Variants in SARNP observed in about 807,000 individuals in gnomAD.
SARNP encodes the protein SAP domain-containing ribonucleoprotein.
In SARNP, 5 loss-of-function variants were observed where a neutral mutation model predicts 38.1. The ratio of observed to expected loss-of-function variants is 0.13; its 90% CI spans 0.07 to 0.28. SARNP has a LOEUF of 0.28. Ranked by LOEUF, SARNP falls within the 10% of genes least tolerant of loss-of-function variation. SARNP has a pLI of 1.00. For missense variants in SARNP, 180 were observed against 243.9 expected (o/e 0.74, Z 1.75); for synonymous variants, 84 against 80.6 (o/e 1.04, Z -0.23).
At position 55,794,396 on chromosome 12, in the gene SARNP, G is replaced by C. The variant is rs1879760272; in HGVS notation, c.378-9C>G. On this transcript the variant is annotated splice_polypyrimidine_tract_variant and intron_variant, in intron 6 of 10. Coordinates refer to ENST00000336133, the MANE Select transcript of SARNP (RefSeq NM_033082.4). Reference sequence around the variant, plus strand: ...CTGAAGAAATCCCAAACCTGAAGAAGGAAAAACAAACTAAATTTTAGGAAG... The same window carrying C: ...CTGAAGAAATCCCAAACCTGAAGAACGAAAAACAAACTAAATTTTAGGAAG... 6.2e-7 allele frequency: 1 copy of C among 1,605,720 alleles called. No individual in the cohort carries two copies. The highest frequency in any genetic ancestry group is 1.1e-5 in the South Asian group (1 of 88,872).
intron 4 of SARNP, among the ~76,000 whole-genome samples, chr12:55,799,787 C>T (rs1879926198): frequency 6.6e-6 from 1 of 151,142 alleles, no homozygotes. Context: ...CTCCTGACCT[C>T]GTAATCCACC....
chr12:55,810,598 G>A (rs992749949), intron 1 of SARNP, among the ~76,000 whole-genome samples: 12 of 151,680 alleles, frequency 7.9e-5, no homozygotes, highest in African/African-American at 1.9e-4. Context: ...AATTACAGGC[G>A]TGCACCACCA....
chr12:55,771,512 T>C (rs1879007487), intron 9 of SARNP, among the ~76,000 whole-genome samples: 1 of 152,082 alleles, frequency 6.6e-6, no homozygotes, highest in Admixed American at 6.6e-5. Context: ...CCTTATACCA[T>C]GTGTGAGAAG....
intron 9 of SARNP, among the ~76,000 whole-genome samples, chr12:55,774,597 A>AAAAAAAAAAAAAAAAAAAAAAAAG: frequency 6.7e-6 from 1 of 149,340 alleles, no homozygotes; most frequent in African/African-American, 2.5e-5. Flanking sequence ...AAAAAACAAA[A>AAAAAAAAAAAAAAAAAAAAAAAAG]ATTAGCCAGG....
At chr12:55,773,415 T>G (rs1476130430) in intron 9 of SARNP, among the ~76,000 whole-genome samples, 1 of 152,190 alleles carries the variant, frequency 6.6e-6, no homozygotes, top group African/African-American at 2.4e-5. Context: ...ACAAAAACTA[T>G]TTCAGCTGCA....
At chr12:55,795,579 A>G (rs578069598) in intron 5 of SARNP, among the ~76,000 whole-genome samples, 1 of 152,298 alleles carries the variant, frequency 6.6e-6, no homozygotes, top group Admixed American at 6.5e-5. Context: ...TGCCATTCTA[A>G]AAGAGTTTAA....
intron 5 of SARNP, 77 bp from the exon 6 acceptor site, chr12:55,794,957 TAAAAAAAAAA>T (rs373511418): frequency 1.1e-4 from 16 of 145,412 alleles, no homozygotes; most frequent in South Asian, 2.1e-4. Context: ...TAGGTATCTT[TAAAAAAAAAA>T]AAAAAAAAAA....
chr12:55,796,904 A>G (rs990925857), intron 4 of SARNP, among the ~76,000 whole-genome samples: 3 of 152,222 alleles, frequency 2.0e-5, no homozygotes, highest in Non-Finnish European at 2.9e-5. Flanking sequence ...AGGTAGGAAG[A>G]AAAAAGTCTA....
chr12:55,772,434 T>C (rs879275346), intron 9 of SARNP, among the ~76,000 whole-genome samples: 2 of 152,176 alleles, frequency 1.3e-5, no homozygotes, highest in Non-Finnish European at 2.9e-5. Flanking sequence ...CACTAGGTTC[T>C]ACCACTTTTT....
intron 9 of SARNP, among the ~76,000 whole-genome samples, chr12:55,786,509 G>A (rs1879499966): frequency 6.6e-6 from 1 of 152,190 alleles, no homozygotes; most frequent in South Asian, 2.1e-4. Context: ...GAGTACGGTG[G>A]CGCAATCTCG....
chr12:55,792,866 G>A (rs1288694699), intron 7 of SARNP: 1 of 151,916 alleles, frequency 6.6e-6, no homozygotes, highest in Non-Finnish European at 1.5e-5. Flanking sequence ...TTAATTTTTT[G>A]TAGAAACAAG....
chr12:55,794,905 G>GAA (rs752424258), intron 5 of SARNP, 25 bp from the exon 6 acceptor site: 2 of 973,122 alleles, frequency 2.1e-6, no homozygotes, highest in Non-Finnish European at 2.7e-6. Context: ...ACAAAAGGGA[G>GAA]AAAAAAAAGT....
At chr12:55,763,343 G>A (rs1166101239) in intron 9 of SARNP, among the ~76,000 whole-genome samples, 2 of 146,538 alleles carry the variant, frequency 1.4e-5, no homozygotes, top group Non-Finnish European at 3.0e-5. Flanking sequence ...ACAGAGTCTC[G>A]CTCTGTCGCC....
intron 9 of SARNP, among the ~76,000 whole-genome samples, chr12:55,775,241 T>TAAA (rs375018386): frequency 0.052 from 6,109 of 118,456 alleles, 212 homozygotes; most frequent in East Asian, 0.11. Context: ...AGGTTAAAAT[T>TAAA]AAAAAAAAAA....
At chr12:55,759,297 G>A (rs891122450) in intron 10 of SARNP, among the ~76,000 whole-genome samples, 3 of 151,818 alleles carry the variant, frequency 2.0e-5, no homozygotes, top group East Asian at 1.9e-4. Context: ...ATACAGAATC[G>A]TTTCACTCTT....
intron 9 of SARNP, among the ~76,000 whole-genome samples, chr12:55,783,869 G>T (rs1879411212): frequency 6.6e-6 from 1 of 151,972 alleles, no homozygotes; most frequent in South Asian, 2.1e-4. Context: ...GAGGCAGGAG[G>T]ATCACTTGAG....
chr12:55,802,937 A>C (rs914173289), intron 2 of SARNP, among the ~76,000 whole-genome samples: 2 of 151,750 alleles, frequency 1.3e-5, no homozygotes, highest in African/African-American at 4.8e-5. Flanking sequence ...AAAAAAAAAA[A>C]ACACAATACT....
chr12:55,810,573 C>A (rs2136207540), intron 1 of SARNP, among the ~76,000 whole-genome samples: 1 of 152,008 alleles, frequency 6.6e-6, no homozygotes. Flanking sequence ...CTGCTTCAGC[C>A]TCTCCAGTAG....
chr12:55,804,152 G>A (rs1192849523), intron 1 of SARNP, among the ~76,000 whole-genome samples: 2 of 152,154 alleles, frequency 1.3e-5, no homozygotes, highest in Non-Finnish European at 2.9e-5. Flanking sequence ...TCCCAGATCC[G>A]TTATTACAAT....
Sources: allele counts gnomAD v4.1 joint callset (sites outside exome capture counted in the v4.1 genomes callset), GRCh38; gene constraint gnomAD v4.1.1; transcripts MANE v1.5; gene names NCBI Gene and HGNC (gene_info 2026-07-23, HGNC 2026-07-21).